Variants in CTNNA2 observed in about 807,000 individuals in gnomAD.
CTNNA2 encodes catenin alpha 2, also known as catenin alpha-2.
In CTNNA2, 42 loss-of-function variants were observed where a neutral mutation model predicts 101.0. That is an observed-to-expected ratio of 0.42 (90% CI 0.32 to 0.54). CTNNA2 has a LOEUF of 0.54. Ranked by LOEUF, CTNNA2 falls within the 20% of genes least tolerant of loss-of-function variation. CTNNA2 has a pLI of 0.14. For missense variants in CTNNA2, 871 were observed against 1,223.1 expected, an observed-to-expected ratio of 0.71 and a Z score of 4.29; for synonymous variants, 450 against 456.4, an observed-to-expected ratio of 0.99 and a Z score of 0.18.
intron 7 of CTNNA2, among the ~76,000 whole-genome samples, chr2:80,252,891 G>A (rs892948464): frequency 6.6e-6 from 1 of 152,080 alleles, no homozygotes; most frequent in Non-Finnish European, 1.5e-5. Flanking sequence ...TTTGCAAAGA[G>A]CATTGATTTT....
chr2:80,210,080 C>G (rs1707790661), intron 7 of CTNNA2, among the ~76,000 whole-genome samples: 1 of 152,090 alleles, frequency 6.6e-6, no homozygotes, highest in Non-Finnish European at 1.5e-5. Context: ...TGTTGTTTTA[C>G]AATTTTTAAA....
intron 18 of CTNNA2, among the ~76,000 whole-genome samples, chr2:80,637,260 C>G (rs1672979457): frequency 6.6e-6 from 1 of 152,174 alleles, no homozygotes; most frequent in African/African-American, 2.4e-5. Context: ...ACTTCAGTGG[C>G]ATTATCTCAT....
At chr2:80,122,220 T>C (rs930191197) in intron 7 of CTNNA2, among the ~76,000 whole-genome samples, 1 of 150,912 alleles carries the variant, frequency 6.6e-6, no homozygotes, top group African/African-American at 2.4e-5. Context: ...CCCTATTTCT[T>C]TGTCTCTGCC....
chr2:80,138,283 A>T (rs1477982531), intron 7 of CTNNA2, among the ~76,000 whole-genome samples: 2 of 152,120 alleles, frequency 1.3e-5, no homozygotes, highest in South Asian at 4.1e-4. Context: ...TGGGGTGGAA[A>T]AAAAGGCAGT....
chr2:80,403,895 A>G (rs992659396), intron 8 of CTNNA2, among the ~76,000 whole-genome samples: 2 of 152,336 alleles, frequency 1.3e-5, no homozygotes, highest in Admixed American at 6.5e-5. Flanking sequence ...AGTTCTGTTT[A>G]TGTGATGAAT....
intron 6 of CTNNA2, 133 bp from the exon 7 acceptor site, chr2:79,909,461 G>C: frequency 1.6e-6 from 1 of 642,152 alleles, no homozygotes; most frequent in South Asian, 2.5e-5. Flanking sequence ...GGCAACTTTA[G>C]AATTTGAGTA....
intron 1 of CTNNA2, among the ~76,000 whole-genome samples, chr2:79,644,422 C>T (rs145325093): frequency 3.3e-5 from 5 of 152,282 alleles, no homozygotes; most frequent in African/African-American, 1.2e-4. Flanking sequence ...TAAAGGCCAC[C>T]GATTGGTAAC....
At chr2:80,127,013 G>A (rs1239478781) in intron 7 of CTNNA2, among the ~76,000 whole-genome samples, 1 of 152,152 alleles carries the variant, frequency 6.6e-6, no homozygotes, top group Non-Finnish European at 1.5e-5. Context: ...TTGTTGCTAT[G>A]ATTCATCAGT....
chr2:80,332,316 G>C (rs1166068069), intron 7 of CTNNA2, among the ~76,000 whole-genome samples: 1 of 152,130 alleles, frequency 6.6e-6, no homozygotes, highest in Non-Finnish European at 1.5e-5. Flanking sequence ...CTCCCATGAA[G>C]CTGGCAGCCT....
Position 79,300,691 on chromosome 2 carries a change from C to T in CTNNA2, c.-405-12018C>T, listed in dbSNP as rs112745822. Among the ~76,000 whole-genome samples the T allele has an allele frequency of 6.2e-3, 942 of 152,212 alleles. 3 individuals are homozygous for T. Among genetic ancestry groups the T allele is most frequent in the Non-Finnish European group, 9.5e-3 (644 of 67,996 alleles). On this transcript the variant is annotated intron_variant, in intron 2 of 21. Transcript: ENST00000466387. ...ATCTTATATTTCTTAAAAAATTCTC[C>T]CATTTCTAACTAGTTCAGACTCTCA...
intron 9 of CTNNA2, among the ~76,000 whole-genome samples, chr2:80,459,517 A>C (rs965457967): frequency 2.6e-5 from 4 of 152,184 alleles, no homozygotes; most frequent in African/African-American, 9.6e-5. Context: ...GTGATTGCAC[A>C]GATAACATGG....
chr2:79,374,153 A>C, intron 4 of CTNNA2: 1 of 155,316 alleles, frequency 6.4e-6, no homozygotes, highest in African/African-American at 2.4e-5. Flanking sequence ...CATCATCACC[A>C]GCAACAACAG....
chr2:79,315,773 A>G (rs977813601), intron 3 of CTNNA2, among the ~76,000 whole-genome samples: 11 of 152,152 alleles, frequency 7.2e-5, no homozygotes, highest in African/African-American at 2.7e-4. Context: ...GTATATACAT[A>G]GGAGTGAAAT....
At chr2:80,502,405 G>T (rs757182458) in intron 9 of CTNNA2, among the ~76,000 whole-genome samples, 9 of 152,186 alleles carry the variant, frequency 5.9e-5, no homozygotes, top group Non-Finnish European at 1.2e-4. Flanking sequence ...CTCTGCAGAT[G>T]CACCTGCCCA....
intron 7 of CTNNA2, among the ~76,000 whole-genome samples, chr2:80,249,068 C>T (rs531148746): frequency 6.6e-6 from 1 of 152,270 alleles, no homozygotes; most frequent in Non-Finnish European, 1.5e-5. Context: ...CCTCCATCAT[C>T]AGCAGGCTCT....
chr2:80,135,257 C>T (rs1296014866), intron 7 of CTNNA2, among the ~76,000 whole-genome samples: 1 of 152,158 alleles, frequency 6.6e-6, no homozygotes, highest in South Asian at 2.1e-4. Context: ...GCCAACAGGC[C>T]ATGAACTCTG....
At chr2:80,538,948 G>A (rs948407903) in intron 9 of CTNNA2, among the ~76,000 whole-genome samples, 2 of 152,112 alleles carry the variant, frequency 1.3e-5, no homozygotes, top group African/African-American at 4.8e-5. Flanking sequence ...CACATCCCTT[G>A]AAAATTGTAT....
intron 7 of CTNNA2, among the ~76,000 whole-genome samples, chr2:80,198,587 A>C (rs771383282): frequency 6.6e-6 from 1 of 152,142 alleles, no homozygotes; most frequent in African/African-American, 2.4e-5. Context: ...TCAACATTCA[A>C]TGTGTGAGAC....
At chr2:80,515,188 T>C (rs1002351120) in intron 9 of CTNNA2, among the ~76,000 whole-genome samples, 2 of 152,016 alleles carry the variant, frequency 1.3e-5, no homozygotes. Context: ...CTGCTCATTT[T>C]CAGGACCATT....
Sources: gnomAD v4.1 joint callset for allele counts (sites outside exome capture counted in the v4.1 genomes callset) on GRCh38, gnomAD v4.1.1 for gene constraint, MANE v1.5 for transcripts, NCBI Gene and HGNC (gene_info 2026-07-23, HGNC 2026-07-21) for gene names.